Variants in DNAAF3 observed in about 807,000 individuals in gnomAD.
DNAAF3 encodes UPF0470 protein C19orf51.
A neutral mutation model predicts 50.9 loss-of-function variants in DNAAF3; 40 were observed. The ratio of observed to expected loss-of-function variants is 0.79; its 90% CI spans 0.61 to 1.02. The LOEUF is 1.02. DNAAF3 is among the 50% of genes least tolerant of loss of function. The pLI, the probability that DNAAF3 is intolerant of heterozygous loss-of-function variation, is 0.00. For synonymous variants in DNAAF3, 327 were observed against 322.8 expected, an observed-to-expected ratio of 1.01 and a Z score of -0.14; for missense variants, 763 against 744.7, an observed-to-expected ratio of 1.02 and a Z score of -0.29.
chr19:55,160,089 C>G lies in DNAAF3; in HGVS notation c.1049-76G>C, dbSNP rs2085795480. On this transcript the variant is annotated intron_variant, in intron 9 of 11. Coordinates refer to ENST00000524407, the MANE Select transcript of DNAAF3 (RefSeq NM_001256715.2). The surrounding 1 kb of genome is among the most constrained non-coding windows in gnomAD (Gnocchi z 4.7). ...CGGAAAACCAGAGAGATACACAGAG[C>G]TGGGCAGAGCTGGGCAGGCACACAG... 3.3e-6 allele frequency: 3 copies of G among 912,342 alleles called. No individual in the cohort carries two copies. In the East Asian group the frequency reaches 7.4e-5, roughly 22 times the overall value. 56.5% of individuals were successfully genotyped at this position (912,342 alleles called of 1,614,324 possible).
Position 55,161,334 on chromosome 19 carries a change from C to T in DNAAF3, c.748G>A (p.Val250Met). The change falls in exon 7 of 12, where the codon GTG (valine) becomes ATG (methionine). Residue 250 changes from valine (V) to methionine (M), a missense_variant. Val to Met is a conservative substitution (Grantham distance 21, BLOSUM62 1). Coordinates refer to ENST00000524407, the MANE Select transcript of DNAAF3 (RefSeq NM_001256715.2). The surrounding 1 kb of genome is among the most constrained non-coding windows in gnomAD (Gnocchi z 6.4). ...CCGGACGCCAGGGTCCGGTTGGGCA[C>T]ATGATAGGCGCTGGAGTCCCTGAGT... ...FELRDSSAYH[V>M]PNRTLASGRL... 1 of 1,611,318 alleles carries T rather than the reference C, an allele frequency of 6.2e-7. No homozygotes were observed. The highest frequency in any genetic ancestry group is 1.3e-5 in the African/African-American group (1 of 74,584).
chr19:55,160,874 C>A lies in DNAAF3; in HGVS notation c.913-99G>T. ...CGGTCCAGGACTAGAACTCCCGCAG[C>A]TGCTTGGAGGATGTGAAGTGGGGCG... On this transcript the variant is annotated intron_variant, in intron 8 of 11. Coordinates refer to ENST00000524407, the MANE Select transcript of DNAAF3 (RefSeq NM_001256715.2). This position sits in a 1 kb window ranked among gnomAD's most constrained non-coding sequence, Gnocchi z 4.7. The A allele has an allele frequency of 6.7e-7, 1 of 1,495,100 alleles. No homozygotes were observed. The highest frequency in any genetic ancestry group is 8.9e-7 in the Non-Finnish European group (1 of 1,128,446). 92.6% of individuals were successfully genotyped at this position (1,495,100 alleles called of 1,614,324 possible).
chr19:55,160,658 G>A lies in DNAAF3; in HGVS notation c.1030C>T (p.Pro344Ser), dbSNP rs757851537. The A allele has an allele frequency of 4.3e-6, 7 of 1,613,886 alleles. No homozygotes were observed. The highest frequency in any genetic ancestry group is 5.9e-6 in the Non-Finnish European group (7 of 1,179,936). Residue 344 changes from proline (P) to serine (S), a missense_variant, in exon 9 of 12, where the codon CCG becomes TCG. Transcript: ENST00000524407. The surrounding 1 kb of genome is among the most constrained non-coding windows in gnomAD (Gnocchi z 4.7). ...GGCTTACCTGGAGTCCCTGGCTCCG[G>A]GCTTCCCTCCGCGTGCTGCTGCTCC... ...LEEQQHAEGS[P>S]EPGTPAAPTP...
chr19:55,161,872 G>A lies in DNAAF3; in HGVS notation c.481-47C>T, dbSNP rs1344397151. 5.7e-6 allele frequency: 8 copies of A among 1,392,008 alleles called. No homozygotes were observed. In the African/African-American group the frequency reaches 1.1e-4, roughly 18 times the overall value. The allele number at this position is 1,392,008 out of a possible 1,614,324, so 86.2% of individuals were successfully genotyped here. On this transcript the variant is annotated intron_variant, in intron 5 of 11. Transcript: ENST00000524407. This position sits in a 1 kb window ranked among gnomAD's most constrained non-coding sequence, Gnocchi z 6.4. The stretch of plus-strand genomic sequence containing the variant: ...GGGACAGAGGAAGGCAGAGAGGGAT[G>A]CAGGGAGAGCGGATTCTAATTGACC...
chr19:55,161,800 G>A lies in DNAAF3; in HGVS notation c.506C>T (p.Ala169Val). 6.9e-7 allele frequency: 1 copy of A among 1,459,104 alleles called. No individual in the cohort carries two copies. 90.4% of individuals were successfully genotyped at this position (1,459,104 alleles called of 1,614,324 possible). The change falls in exon 6 of 12, where the codon GCC becomes GTC. Residue 169 changes from alanine to valine, a missense_variant. Physicochemically the swap from Ala to Val is moderately conservative, Grantham distance 64 (BLOSUM62 0). Transcript: ENST00000524407. The surrounding 1 kb of genome is among the most constrained non-coding windows in gnomAD (Gnocchi z 6.4). Reference protein sequence around the residue: ...LKFRERDALEAVFRFWAGGEK... With the variant: ...LKFRERDALEVVFRFWAGGEK... The stretch of plus-strand genomic sequence containing the variant: ...GCCGCCAGCCCAGAAGCGGAATACG[G>A]CCTCCAGGGCATCCCGCTCGCGGAA...
Position 55,159,283 on chromosome 19 carries a change from C to T in DNAAF3, c.1405G>A (p.Val469Met), listed in dbSNP as rs114601492. The stretch of plus-strand genomic sequence containing the variant: ...TCAAGGGGCGGAGTTCCGGGTTCCA[C>T]AGCTGGGACAGTGTTGCCCAGAGCT... ...ESALGNTVPA[V>M]EPGTPPLDIL... Residue 469 changes from valine (V) to methionine (M), a missense_variant, in exon 12 of 12, where the codon GTG becomes ATG. Physicochemically the swap from Val to Met is conservative, Grantham distance 21. Transcript: ENST00000524407. 1.5e-3 allele frequency: 2,368 copies of T among 1,614,078 alleles called. 34 individuals are homozygous for T. In the African/African-American group the frequency reaches 0.028, roughly 19 times the overall value.
chr19:55,162,238 T>A lies in DNAAF3; in HGVS notation c.375A>T (p.Pro125=). The change falls in exon 5 of 12, where the codon CCA becomes CCT. Residue 125 remains proline (P), a synonymous_variant. Coordinates refer to ENST00000524407, the MANE Select transcript of DNAAF3 (RefSeq NM_001256715.2). Reference sequence around the variant, plus strand: ...CCTGGGCACGCACGAAGGCGGCCACTGGCGGGCGCAGCAGCGCGTTCCCCC... The same window carrying A: ...CCTGGGCACGCACGAAGGCGGCCACAGGCGGGCGCAGCAGCGCGTTCCCCC... ...EVWGNALLRP[P]VAAFVRAQAD... is the part of the protein sequence containing the mutation. The A allele has an allele frequency of 1.6e-6, 2 of 1,249,708 alleles. No individual in the cohort carries two copies. The highest frequency in any genetic ancestry group is 2.0e-6 in the Non-Finnish European group (2 of 989,596). The allele number at this position is 1,249,708 out of a possible 1,614,324, so 77.4% of individuals were successfully genotyped here. A position where few individuals can be genotyped will look rare whatever the true frequency, so the allele number is the denominator to read the frequency against.
rs1203494153 is a variant in DNAAF3 at position 55,166,023 on chromosome 19, G to A, written c.86-23C>T. 2 of 1,614,220 alleles carry A rather than the reference G, an allele frequency of 1.2e-6. No individual in the cohort carries two copies. The highest frequency in any genetic ancestry group is 1.1e-5 in the South Asian group (1 of 91,086). On this transcript the variant is annotated intron_variant, in intron 2 of 11. Coordinates refer to ENST00000524407, the MANE Select transcript of DNAAF3 (RefSeq NM_001256715.2). The surrounding 1 kb of genome is among the most constrained non-coding windows in gnomAD (Gnocchi z 4.0). ...GACCTGGCAAGATGACAGCTGGCTG[G>A]GGCACCATGGTGGTTGGCAGAGCGT...
At chr19:55,163,792 A>G (rs78450655) in intron 4 of DNAAF3, among the ~76,000 whole-genome samples, 122 of 152,334 alleles carry the variant, frequency 8.0e-4, no homozygotes, top group Non-Finnish European at 1.5e-3. Context: ...AGTAAAATAG[A>G]TCAGTTTAGT....
At chr19:55,165,666 C>T in intron 3 of DNAAF3, 192 bp downstream of exon 3, 1 of 1,067,712 alleles carries the variant, frequency 9.4e-7, no homozygotes, top group East Asian at 2.6e-5. Flanking sequence ...CTCTTCCCCA[C>T]TATAGAACCC....
chr19:55,164,501 C>T (rs999488723), intron 4 of DNAAF3, among the ~76,000 whole-genome samples: 2 of 151,838 alleles, frequency 1.3e-5, no homozygotes, highest in Non-Finnish European at 2.9e-5. Context: ...AATAAATAAA[C>T]AAACAAACCT....
Position 55,161,572 on chromosome 19 carries a change from A to G in DNAAF3, c.663+71T>C. On this transcript the variant is annotated intron_variant, in intron 6 of 11. Coordinates refer to ENST00000524407, the MANE Select transcript of DNAAF3 (RefSeq NM_001256715.2). The surrounding 1 kb of genome is among the most constrained non-coding windows in gnomAD (Gnocchi z 6.4). ...CCCCAAACCCTCCTCCCTCAGACTC[A>G]GGAGGCCCCCAGCCCCTCCTCCCTC... The G allele has an allele frequency of 6.8e-7, 1 of 1,470,430 alleles. No homozygotes were observed. The highest frequency in any genetic ancestry group is 1.4e-5 in the African/African-American group (1 of 70,518). 91.1% of individuals were successfully genotyped at this position (1,470,430 alleles called of 1,614,324 possible).
At position 55,161,688 on chromosome 19, in the gene DNAAF3, G is replaced by C; in HGVS notation, c.618C>G (p.Arg206=). 1.3e-6 allele frequency: 2 copies of C among 1,540,434 alleles called. No individual in the cohort carries two copies. The highest frequency in any genetic ancestry group is 1.7e-6 in the Non-Finnish European group (2 of 1,146,480). Residue 206 remains arginine (R), a synonymous_variant, in exon 6 of 12, where the codon CGC becomes CGG. Coordinates refer to ENST00000524407, the MANE Select transcript of DNAAF3 (RefSeq NM_001256715.2). The surrounding 1 kb of genome is among the most constrained non-coding windows in gnomAD (Gnocchi z 6.4). Reference sequence around the variant, plus strand: ...TGCGCAGGTCCCAGTCGCTGACACCGCGCCGGGCGTCGTAGCGGGAGCCCA... The same window carrying C: ...TGCGCAGGTCCCAGTCGCTGACACCCCGCCGGGCGTCGTAGCGGGAGCCCA... ...HYLGSRYDAR[R]GVSDWDLRMK...
At position 55,165,445 on chromosome 19, in the gene DNAAF3, T is replaced by C. The variant is rs756501115; in HGVS notation, c.247A>G (p.Asn83Asp). Residue 83 changes from asparagine to aspartate, a missense_variant, in exon 4 of 12, where the codon AAT becomes GAT. Coordinates refer to ENST00000524407, the MANE Select transcript of DNAAF3 (RefSeq NM_001256715.2). ...ATGTGTCGGGCCACAGCTTCCAGAT[T>C]ATTCTCCAGCACAAAGAACTAGAAG... is the stretch of plus-strand genomic sequence containing the variant. ...RRFNFFVLEN[N>D]LEAVARHMLI... The C allele has an allele frequency of 6.2e-7, 1 of 1,614,040 alleles. No homozygotes were observed. Among genetic ancestry groups the C allele is most frequent in the South Asian group, 1.1e-5 (1 of 91,060 alleles).
intron 4 of DNAAF3, among the ~76,000 whole-genome samples, chr19:55,162,997 CTTTTTT>C (rs576178532): frequency 5.1e-4 from 47 of 92,198 alleles, no homozygotes; most frequent in African/African-American, 1.2e-3. Context: ...TTTTCTTTTT[CTTTTTT>C]TTTTTTTTTT....
In DNAAF3 at chr19:55,160,731, G is replaced by T. The variant is rs1299742899; in HGVS notation, c.957C>A (p.Arg319=). The part of the protein sequence containing the change: ...ITQHNVTELL[R]DVAAWGRARA... ...TCGCGCGCCCCCAGGCGGCCACGTC[G>T]CGGAGCAGCTCCGTCACGTTGTGTT... The change falls in exon 9 of 12, where the codon CGC becomes CGA. Residue 319 remains arginine (R), a synonymous_variant. Transcript: ENST00000524407. The surrounding 1 kb of genome is among the most constrained non-coding windows in gnomAD (Gnocchi z 4.7). 1 of 1,612,762 alleles carries T rather than the reference G, an allele frequency of 6.2e-7. No homozygotes were observed.
Position 55,160,790 on chromosome 19 carries a change from G to A in DNAAF3, c.913-15C>T. On this transcript the variant is annotated splice_polypyrimidine_tract_variant and intron_variant, in intron 8 of 11. Transcript: ENST00000524407. This position sits in a 1 kb window ranked among gnomAD's most constrained non-coding sequence, Gnocchi z 4.7. ...TCCCCGGCCGTCTAACAGTAGAAGG[G>A]GCGTGGCCAGACGTCGGGGCCAGGA... The A allele has an allele frequency of 6.2e-7, 1 of 1,604,446 alleles. No individual in the cohort carries two copies. Among genetic ancestry groups the A allele is most frequent in the Non-Finnish European group, 8.5e-7 (1 of 1,177,664 alleles).
At chr19:55,162,011 C>CTG (rs2085845436) in intron 5 of DNAAF3, 122 bp downstream of exon 5, 18 of 1,335,754 alleles carry the variant, frequency 1.3e-5, no homozygotes, top group Non-Finnish European at 1.7e-5. Flanking sequence ...CAGTGGGAGT[C>CTG]GGGGAACTGG....
intron 3 of DNAAF3, 116 bp downstream of exon 3, chr19:55,165,742 C>G (rs1388579054): frequency 1.3e-6 from 2 of 1,503,054 alleles, no homozygotes; most frequent in Non-Finnish European, 1.8e-6. Context: ...GCTTCTGCCT[C>G]CCTCAGATCT....
Sources: allele counts gnomAD v4.1 joint callset (sites outside exome capture counted in the v4.1 genomes callset), GRCh38; gene constraint gnomAD v4.1.1; non-coding constraint Gnocchi (gnomAD v3.1); transcripts MANE v1.5; gene names NCBI Gene and HGNC (gene_info 2026-07-23, HGNC 2026-07-21).